Variants in PFKFB3 observed in about 807,000 individuals in gnomAD.
The protein encoded by PFKFB3 is 6-phosphofructo-2-kinase/fructose-2,6-bisphosphatase 3.
In PFKFB3, 33 loss-of-function variants were observed where a neutral mutation model predicts 68.0. That is an observed-to-expected ratio of 0.49 (90% CI 0.37 to 0.65). The LOEUF is 0.65. Among genes scored for constraint, PFKFB3 ranks in the 30% least tolerant of loss-of-function variants. The probability of loss-of-function intolerance (pLI) is 0.00; values close to 1 mark genes in which losing one functional copy is unlikely to be tolerated. For synonymous variants in PFKFB3, 315 were observed against 288.2 expected (o/e 1.09, Z -0.94); for missense variants, 586 against 712.2 (o/e 0.82, Z 2.02).
At chr10:6,227,209 G>C (rs545342410) in intron 14 of PFKFB3, among the ~76,000 whole-genome samples, 2 of 152,300 alleles carry the variant, frequency 1.3e-5, no homozygotes, top group East Asian at 3.9e-4. Context: ...TTTGTTTTCA[G>C]AAAACTGGTC....
intron 1 of PFKFB3, among the ~76,000 whole-genome samples, chr10:6,165,821 GT>G (rs199743692): frequency 1.0e-4 from 15 of 145,458 alleles, no homozygotes; most frequent in East Asian, 2.0e-4. Context: ...CTTTGTCTTT[GT>G]TTTTTTTTTT....
At chr10:6,298,554 T>C in the PFKFB3 span, among the ~76,000 whole-genome samples, 1 of 152,106 alleles carries the variant, frequency 6.6e-6, no homozygotes, top group Non-Finnish European at 1.5e-5. Flanking sequence ...TTTTCAGAGA[T>C]GGGGTCTTGC....
chr10:6,275,715 C>T, the PFKFB3 span, among the ~76,000 whole-genome samples: 1 of 152,138 alleles, frequency 6.6e-6, no homozygotes, highest in African/African-American at 2.4e-5. This position sits in a 1 kb window ranked among gnomAD's most constrained non-coding sequence, Gnocchi z 4.9. Flanking sequence ...CTCCGCTTCC[C>T]GGGATTCTCC....
At position 6,229,246 on chromosome 10, in the gene PFKFB3, C is replaced by T; in HGVS notation, c.1515+2881C>T. The stretch of plus-strand genomic sequence containing the variant: ...GGGCCAGAGGATGTACCAGTGTCCT[C>T]CATGTCCACGTTCCTTAAGACCACC... On this transcript the variant is annotated intron_variant, in intron 14 of 14. Transcript: ENST00000379775. The surrounding 1 kb of genome is among the most constrained non-coding windows in gnomAD (Gnocchi z 4.3). The T allele has an allele frequency of 2.1e-6, 1 of 474,336 alleles. No individual in the cohort carries two copies. The allele number at this position is 474,336 out of a possible 1,614,324, so 29.4% of individuals were successfully genotyped here.
At chr10:6,318,641 T>G in the PFKFB3 span, among the ~76,000 whole-genome samples, 1 of 152,346 alleles carries the variant, frequency 6.6e-6, no homozygotes, top group Non-Finnish European at 1.5e-5. Context: ...TGCAGCTTTC[T>G]CGTGACTGAT....
the PFKFB3 span, among the ~76,000 whole-genome samples, chr10:6,274,452 T>C: frequency 6.6e-6 from 1 of 152,226 alleles, no homozygotes; most frequent in Non-Finnish European, 1.5e-5. Context: ...ACATTTACGA[T>C]GTAGAAATAT....
At chr10:6,222,222 C>T (rs1042683697) in intron 10 of PFKFB3, among the ~76,000 whole-genome samples, 4 of 152,160 alleles carry the variant, frequency 2.6e-5, no homozygotes, top group African/African-American at 9.7e-5. Context: ...GTCCTCTGGC[C>T]TCAGACTAAG....
At chr10:6,155,657 C>A (rs754594161) in intron 1 of PFKFB3, among the ~76,000 whole-genome samples, 47 of 152,244 alleles carry the variant, frequency 3.1e-4, no homozygotes, top group Admixed American at 6.5e-4. Context: ...CAGACCCCAC[C>A]CAGGCACCTG....
chr10:6,322,573 C>A, the PFKFB3 span, among the ~76,000 whole-genome samples: 1 of 152,198 alleles, frequency 6.6e-6, no homozygotes, highest in African/African-American at 2.4e-5. Flanking sequence ...TGCAATCTTC[C>A]CTTACCTCCC....
downstream of PFKFB3, among the ~76,000 whole-genome samples, chr10:6,237,915 A>G (rs1846053110): frequency 6.6e-6 from 1 of 151,736 alleles, no homozygotes; most frequent in Non-Finnish European, 1.5e-5. Flanking sequence ...GCAAGACAAC[A>G]TAAGTGGGTT....
chr10:6,220,201 A>C lies in PFKFB3; in HGVS notation c.624-457A>C, dbSNP rs1312914145. Among the ~76,000 whole-genome samples, 1 of 147,088 alleles carries C rather than the reference A, an allele frequency of 6.8e-6. No homozygotes were observed. Among genetic ancestry groups the C allele is most frequent in the Non-Finnish European group, 1.5e-5 (1 of 66,596 alleles). On this transcript the variant is annotated intron_variant, in intron 7 of 14. Coordinates refer to ENST00000379775, the MANE Select transcript of PFKFB3 (RefSeq NM_004566.4). The surrounding 1 kb of genome is among the most constrained non-coding windows in gnomAD (Gnocchi z 4.1). ...ACTGCAGGTTCAAACTTCTGGGCTC[A>C]AGTAATCCTACCGCCTCAGCCTCAT...
chr10:6,149,047 C>T (rs552031403), intron 1 of PFKFB3, among the ~76,000 whole-genome samples: 1 of 152,142 alleles, frequency 6.6e-6, no homozygotes. Context: ...CCACTGCACT[C>T]CAGCCTGAGT....
chr10:6,153,374 G>T (rs181440356), intron 1 of PFKFB3, among the ~76,000 whole-genome samples: 1 of 152,286 alleles, frequency 6.6e-6, no homozygotes, highest in Non-Finnish European at 1.5e-5. Flanking sequence ...CTGCGGCAGT[G>T]AACAAAACAG....
chr10:6,188,915 A>G (rs1298548652), intron 1 of PFKFB3, among the ~76,000 whole-genome samples: 1 of 148,042 alleles, frequency 6.8e-6, no homozygotes, highest in Non-Finnish European at 1.5e-5. Flanking sequence ...GCTCACTGCA[A>G]GCTCCGCCTC....
intron 10 of PFKFB3, 150 bp downstream of exon 10, chr10:6,221,895 C>A: frequency 3.3e-6 from 2 of 610,730 alleles, no homozygotes; most frequent in Non-Finnish European, 5.8e-6. Flanking sequence ...CCAAACTGAA[C>A]CTTCTAACAG....
intron 14 of PFKFB3, chr10:6,231,507 G>C: frequency 1.0e-6 from 1 of 985,356 alleles, no homozygotes; most frequent in Non-Finnish European, 1.2e-6. Flanking sequence ...GCCCCTGGGT[G>C]AAGGACGTGG....
intron 1 of PFKFB3, among the ~76,000 whole-genome samples, chr10:6,167,246 C>T (rs757159112): frequency 2.6e-5 from 4 of 152,214 alleles, no homozygotes; most frequent in East Asian, 1.9e-4. Context: ...TACCTGAGTA[C>T]GTTTCAGCCC....
intron 1 of PFKFB3, among the ~76,000 whole-genome samples, chr10:6,173,649 G>A (rs1269794529): frequency 1.3e-5 from 2 of 152,090 alleles, no homozygotes; most frequent in African/African-American, 4.8e-5. Flanking sequence ...GGCAAAGGGG[G>A]TTTCTGGGTC....
chr10:6,238,475 C>T, downstream of PFKFB3, among the ~76,000 whole-genome samples: 1 of 74,208 alleles, frequency 1.3e-5, no homozygotes, highest in Non-Finnish European at 2.7e-5. Flanking sequence ...GAGGTGCCAT[C>T]TCAAAAAAAA....
Sources: gnomAD v4.1 joint callset for allele counts (sites outside exome capture counted in the v4.1 genomes callset) on GRCh38, gnomAD v4.1.1 for gene constraint, Gnocchi (gnomAD v3.1) non-coding constraint, MANE v1.5 for transcripts, NCBI Gene and HGNC (gene_info 2026-07-23, HGNC 2026-07-21) for gene names.